Variants in PTCHD4 observed in about 807,000 individuals in gnomAD.
The protein encoded by PTCHD4 is patched domain-containing protein 4.
In PTCHD4, 33 loss-of-function variants were observed where a neutral mutation model predicts 58.1. The ratio of observed to expected loss-of-function variants is 0.57; its 90% CI spans 0.43 to 0.76. The LOEUF is 0.76. Ranked by LOEUF, PTCHD4 falls within the 30% of genes least tolerant of loss-of-function variation. The pLI is 0.00. For synonymous variants in PTCHD4, 478 were observed against 409.6 expected, an observed-to-expected ratio of 1.17 and a Z score of -2.02; for missense variants, 1,058 against 1,027.1, an observed-to-expected ratio of 1.03 and a Z score of -0.41.
chr6:48,074,765 C>T (rs764976906), intron 1 of PTCHD4, among the ~76,000 whole-genome samples: 26 of 152,116 alleles, frequency 1.7e-4, no homozygotes, highest in Non-Finnish European at 3.7e-4. Flanking sequence ...TAACACTAAC[C>T]TTGATGCTGA....
At chr6:47,909,159 G>T (rs1013882874) in intron 4 of PTCHD4, among the ~76,000 whole-genome samples, 2 of 152,132 alleles carry the variant, frequency 1.3e-5, no homozygotes, top group Non-Finnish European at 2.9e-5. Context: ...GAAGGGAACT[G>T]TAATCCTGAG....
chr6:47,910,298 T>A (rs866244582), intron 4 of PTCHD4, among the ~76,000 whole-genome samples: 7 of 152,286 alleles, frequency 4.6e-5, no homozygotes, highest in Middle Eastern at 3.4e-3. Flanking sequence ...ATGGAGCTAC[T>A]CAAAACACCT....
chr6:47,928,847 A>C (rs1298578749), intron 4 of PTCHD4, among the ~76,000 whole-genome samples: 1 of 152,220 alleles, frequency 6.6e-6, no homozygotes, highest in Non-Finnish European at 1.5e-5. Flanking sequence ...TGTTGAATGA[A>C]TGAGTTATAA....
chr6:47,942,969 G>A (rs1186356229), intron 4 of PTCHD4, among the ~76,000 whole-genome samples: 1 of 152,162 alleles, frequency 6.6e-6, no homozygotes, highest in Non-Finnish European at 1.5e-5. Flanking sequence ...GTCTGCAACA[G>A]CAGTTTGGAA....
At chr6:47,954,314 A>G (rs1211569110) in intron 4 of PTCHD4, among the ~76,000 whole-genome samples, 3 of 152,148 alleles carry the variant, frequency 2.0e-5, no homozygotes, top group Non-Finnish European at 2.9e-5. Flanking sequence ...CTGAGATTGC[A>G]CCACTGCACT....
At chr6:47,986,037 G>T (rs1222492727) in intron 4 of PTCHD4, among the ~76,000 whole-genome samples, 2 of 152,014 alleles carry the variant, frequency 1.3e-5, no homozygotes, top group South Asian at 4.2e-4. Context: ...TCCCTTTTAT[G>T]ATATAAGAAG....
chr6:47,963,311 C>T lies in PTCHD4; in HGVS notation c.898+45323G>A, dbSNP rs1561980590. Reference sequence around the variant, plus strand: ...CACCTCACATCTGTTAGGATGCCTGCTATTAAAAATAAATAAATAAAAAGA... The same window carrying T: ...CACCTCACATCTGTTAGGATGCCTGTTATTAAAAATAAATAAATAAAAAGA... On this transcript the variant is annotated intron_variant, in intron 4 of 4. Coordinates refer to ENST00000339488, the MANE Select transcript of PTCHD4 (RefSeq NM_001384253.1). 2.0e-5 allele frequency among the ~76,000 whole-genome samples: 3 copies of T among 151,800 alleles called. No individual in the cohort carries two copies. The South Asian group carries it at 6.2e-4, about 32-fold the overall frequency.
chr6:48,051,625 T>C (rs546534951), intron 3 of PTCHD4, among the ~76,000 whole-genome samples: 2 of 152,102 alleles, frequency 1.3e-5, no homozygotes, highest in East Asian at 3.9e-4. Flanking sequence ...TCCTGCTTTG[T>C]ATTCATTTTT....
chr6:48,088,532 TG>T (rs1765305114), intron 1 of PTCHD4, among the ~76,000 whole-genome samples: 1 of 152,088 alleles, frequency 6.6e-6, no homozygotes, highest in African/African-American at 2.4e-5. Context: ...ATTGTGTAAA[TG>T]TGAAAGTTAT....
intron 4 of PTCHD4, among the ~76,000 whole-genome samples, chr6:47,936,871 C>A (rs1174596669): frequency 6.6e-6 from 1 of 152,072 alleles, no homozygotes; most frequent in Admixed American, 6.5e-5. Context: ...GAGGATTGAT[C>A]CAAAAACGCT....
In PTCHD4 at chr6:47,982,481, C is replaced by CTTTT. The variant is rs375869071; in HGVS notation, c.898+26149_898+26152dup. Among the ~76,000 whole-genome samples the CTTTT allele has an allele frequency of 5.4e-4, 71 of 130,784 alleles. 1 individual carries two copies. The highest frequency in any genetic ancestry group is 9.4e-4 in the African/African-American group (33 of 35,020). 85.8% of individuals were successfully genotyped at this position (130,784 alleles called of 152,430 possible). A position where few individuals can be genotyped will look rare whatever the true frequency, so the allele number is the denominator to read the frequency against. ...TCACACTAGTCTGTTTTATCTCTCTCTTTTTTTTTTTTTTTTTTGTTTTTT... is the reference window on the plus strand; with the variant it reads ...TCACACTAGTCTGTTTTATCTCTCTCTTTTTTTTTTTTTTTTTTTTTTGTTTTTT... On this transcript the variant is annotated intron_variant, in intron 4 of 4. Coordinates refer to ENST00000339488, the MANE Select transcript of PTCHD4 (RefSeq NM_001384253.1).
chr6:47,879,129 A>G lies in PTCHD4; in HGVS notation c.1706T>C (p.Ile569Thr), dbSNP rs747535830. The stretch of plus-strand genomic sequence containing the variant: ...TAAAAATGAGCTTTGCAGGACACTG[A>G]TGAAGTCACTTTTGTTATTGGCACT... ...NVSANNKSDFISVLQSSFLKK... is the reference protein window; with the variant it reads ...NVSANNKSDFTSVLQSSFLKK... The change falls in exon 5 of 5, where the codon ATC becomes ACC. Residue 569 changes from isoleucine (I) to threonine (T), a missense_variant. By Grantham distance (89) the Ile-to-Thr change is moderately conservative. Transcript: ENST00000339488. 1 of 1,612,316 alleles carries G rather than the reference A, an allele frequency of 6.2e-7. No homozygotes were observed. The highest frequency in any genetic ancestry group is 8.5e-7 in the Non-Finnish European group (1 of 1,179,672).
intron 4 of PTCHD4, among the ~76,000 whole-genome samples, chr6:47,881,428 A>T (rs1470580229): frequency 6.6e-6 from 1 of 152,186 alleles, no homozygotes; most frequent in East Asian, 1.9e-4. Flanking sequence ...ACTGAAGGTC[A>T]TCTAAGGATG....
chr6:48,075,128 T>C (rs1765039448), intron 1 of PTCHD4, among the ~76,000 whole-genome samples: 1 of 152,196 alleles, frequency 6.6e-6, no homozygotes, highest in African/African-American at 2.4e-5. Flanking sequence ...GAAGTTTAGA[T>C]AGAATTTGCA....
At chr6:48,066,694 G>A (rs771975700) in intron 3 of PTCHD4, among the ~76,000 whole-genome samples, 21 of 151,904 alleles carry the variant, frequency 1.4e-4, no homozygotes, top group Non-Finnish European at 2.4e-4. Context: ...ATTTAAAGCT[G>A]ATAAATCATC....
intron 1 of PTCHD4, among the ~76,000 whole-genome samples, chr6:48,093,139 A>T (rs140542635): frequency 0.015 from 2,313 of 152,292 alleles, 42 homozygotes; most frequent in South Asian, 0.061. Context: ...GTCTTAAATT[A>T]TTTTAAAAGC....
chr6:48,063,070 C>T (rs1175403304), intron 3 of PTCHD4, among the ~76,000 whole-genome samples: 3 of 152,112 alleles, frequency 2.0e-5, no homozygotes, highest in Non-Finnish European at 1.5e-5. Context: ...TTGTGCTATC[C>T]CATAAATTTT....
At chr6:48,082,898 T>A (rs901525537) in intron 1 of PTCHD4, among the ~76,000 whole-genome samples, 4 of 151,954 alleles carry the variant, frequency 2.6e-5, no homozygotes. Flanking sequence ...TACTCTCATT[T>A]ATTTAACCAT....
At position 48,069,681 on chromosome 6, in the gene PTCHD4, T is replaced by C. The variant is rs1764936843; in HGVS notation, c.-724A>G. Reference sequence around the variant, plus strand: ...TAGCCTGTGTGCGTGTGCGTGTGCGTGTGTGTGTATTGAAAGTGAAGATCT... The same window carrying C: ...TAGCCTGTGTGCGTGTGCGTGTGCGCGTGTGTGTATTGAAAGTGAAGATCT... On this transcript the variant is annotated 5_prime_UTR_variant, in exon 2 of 5. Coordinates refer to ENST00000339488, the MANE Select transcript of PTCHD4 (RefSeq NM_001384253.1). 6.6e-6 allele frequency among the ~76,000 whole-genome samples: 1 copy of C among 152,112 alleles called. No individual in the cohort carries two copies. The highest frequency in any genetic ancestry group is 1.5e-5 in the Non-Finnish European group (1 of 68,024).
Sources: allele counts gnomAD v4.1 joint callset (sites outside exome capture counted in the v4.1 genomes callset), GRCh38; gene constraint gnomAD v4.1.1; transcripts MANE v1.5; gene names NCBI Gene and HGNC (gene_info 2026-07-23, HGNC 2026-07-21).